The following GALM variants were observed in gnomAD, a reference collection of about 807,000 sequenced individuals.
GALM encodes galactose mutarotase, also known as aldose 1-epimerase.
In GALM, 43 loss-of-function variants were observed where a neutral mutation model predicts 37.4. The observed-to-expected ratio is 1.15, with a 90% CI of 0.90 to 1.48. GALM has a LOEUF of 1.48. Ranked by LOEUF, GALM falls within the 40% of genes most tolerant of loss-of-function variation. The pLI is 0.00. For missense variants in GALM, 456 were observed against 419.1 expected (o/e 1.09, Z -0.77); for synonymous variants, 199 against 170.6 (o/e 1.17, Z -1.30).
chr2:38,709,657 T>G (rs1666110860), intron 4 of GALM, among the ~76,000 whole-genome samples: 1 of 152,052 alleles, frequency 6.6e-6, no homozygotes, highest in Non-Finnish European at 1.5e-5. Flanking sequence ...TAGACAAGCT[T>G]TGATGTTGTG....
At chr2:38,703,093 T>TATATATATATATATG (rs1491241597) in intron 4 of GALM, among the ~76,000 whole-genome samples, 1 of 6,694 alleles carries the variant, frequency 1.5e-4, no homozygotes. Context: ...TATATATATA[T>TATATATATATATATG]TTTTTTTTTT....
intron 4 of GALM, among the ~76,000 whole-genome samples, chr2:38,702,928 CTT>C (rs910140132): frequency 2.2e-3 from 268 of 119,894 alleles, no homozygotes; most frequent in African/African-American, 7.1e-3. Context: ...TATATATATA[CTT>C]TTTATATATA....
intron 4 of GALM, among the ~76,000 whole-genome samples, chr2:38,713,688 G>C (rs1666214660): frequency 6.6e-6 from 1 of 152,082 alleles, no homozygotes; most frequent in Non-Finnish European, 1.5e-5. Context: ...AGGATTGCTT[G>C]AGCTCATGAG....
At chr2:38,670,889 G>C (rs1665082850) in intron 1 of GALM, among the ~76,000 whole-genome samples, 1 of 152,208 alleles carries the variant, frequency 6.6e-6, no homozygotes, top group African/African-American at 2.4e-5. Context: ...CAAAGGATAA[G>C]TCATTCTGTG....
intron 4 of GALM, among the ~76,000 whole-genome samples, chr2:38,704,997 A>G (rs774932188): frequency 1.3e-5 from 2 of 152,216 alleles, no homozygotes; most frequent in Non-Finnish European, 2.9e-5. Flanking sequence ...ATTGGCAAAC[A>G]TGAACCAGCA....
chr2:38,716,119 G>A (rs369393865), intron 4 of GALM, among the ~76,000 whole-genome samples: 6 of 152,230 alleles, frequency 3.9e-5, no homozygotes, highest in Non-Finnish European at 8.8e-5. Flanking sequence ...GAAACCCAGG[G>A]ATATGCAGTT....
intron 4 of GALM, among the ~76,000 whole-genome samples, chr2:38,690,306 A>AT (rs1201234372): frequency 2.2e-4 from 33 of 151,186 alleles, no homozygotes; most frequent in Admixed American, 1.9e-3. Context: ...ACCCCGTCTT[A>AT]TTTTTTTTTA....
At chr2:38,730,057 C>A (rs146969147) in intron 5 of GALM, among the ~76,000 whole-genome samples, 1 of 152,210 alleles carries the variant, frequency 6.6e-6, no homozygotes, top group Admixed American at 6.5e-5. Flanking sequence ...TGCCTGCCTA[C>A]TCCATGGCCA....
At chr2:38,714,165 A>G (rs1273250321) in intron 4 of GALM, among the ~76,000 whole-genome samples, 1 of 152,106 alleles carries the variant, frequency 6.6e-6, no homozygotes, top group African/African-American at 2.4e-5. Flanking sequence ...CTAAACACAT[A>G]TAGTACATGC....
chr2:38,673,047 G>A (rs893074501), intron 1 of GALM, among the ~76,000 whole-genome samples: 8 of 152,140 alleles, frequency 5.3e-5, no homozygotes, highest in Admixed American at 1.3e-4. Flanking sequence ...TAGCTATTAT[G>A]ATAGTCAATG....
At chr2:38,701,514 C>CTGT (rs1665916850) in intron 4 of GALM, among the ~76,000 whole-genome samples, 1 of 152,196 alleles carries the variant, frequency 6.6e-6, no homozygotes, top group Non-Finnish European at 1.5e-5. Flanking sequence ...CCCAGCCCAT[C>CTGT]TGTGTTCACT....
chr2:38,682,825 G>A (rs906974583), intron 3 of GALM, among the ~76,000 whole-genome samples: 3 of 151,932 alleles, frequency 2.0e-5, no homozygotes, highest in African/African-American at 7.3e-5. Context: ...GAACCTGGAA[G>A]GCGGAGGTTG....
At chr2:38,666,917 G>A (rs1664954108) in intron 1 of GALM, among the ~76,000 whole-genome samples, 1 of 152,116 alleles carries the variant, frequency 6.6e-6, no homozygotes, top group South Asian at 2.1e-4. Context: ...TCTTCTCAGA[G>A]ATCAGGTCTC....
intron 4 of GALM, among the ~76,000 whole-genome samples, chr2:38,722,480 G>C (rs1666404567): frequency 6.6e-6 from 1 of 152,120 alleles, no homozygotes; most frequent in African/African-American, 2.4e-5. Context: ...CATCTGCCAG[G>C]CACTGCTGCC....
At chr2:38,708,343 G>A (rs1338446454) in intron 4 of GALM, among the ~76,000 whole-genome samples, 1 of 151,800 alleles carries the variant, frequency 6.6e-6, no homozygotes, top group Admixed American at 6.6e-5. Flanking sequence ...AGAATCCTGG[G>A]CCCCACCTCA....
At chr2:38,682,329 T>A (rs1665417494) in intron 3 of GALM, 2 of 432,000 alleles carry the variant, frequency 4.6e-6, no homozygotes, top group Non-Finnish European at 9.5e-6. Flanking sequence ...TTACTTCCTC[T>A]TTATCTGAAG....
chr2:38,682,008 T>C (rs1394624502), intron 3 of GALM, among the ~76,000 whole-genome samples: 4 of 152,226 alleles, frequency 2.6e-5, no homozygotes, highest in African/African-American at 9.6e-5. Flanking sequence ...AGACCTGGTT[T>C]TTTTAGCTTA....
intron 4 of GALM, among the ~76,000 whole-genome samples, chr2:38,710,765 T>G (rs1212362005): frequency 1.3e-5 from 2 of 151,658 alleles, no homozygotes; most frequent in South Asian, 2.1e-4. Flanking sequence ...TTTTTTTTTT[T>G]TTTTTTAGAC....
At chr2:38,723,367 A>G (rs1200791652) in intron 4 of GALM, among the ~76,000 whole-genome samples, 1 of 152,140 alleles carries the variant, frequency 6.6e-6, no homozygotes, top group Admixed American at 6.6e-5. Context: ...CGCTAAAATG[A>G]CCTGCTGTGA....
Sources: gnomAD v4.1 joint callset for allele counts (sites outside exome capture counted in the v4.1 genomes callset) on GRCh38, gnomAD v4.1.1 for gene constraint, MANE v1.5 for transcripts, NCBI Gene and HGNC (gene_info 2026-07-23, HGNC 2026-07-21) for gene names.